RANBP17: variants seen among roughly 807,000 people sequenced by gnomAD.
RANBP17 encodes the protein ran-binding protein 17.
RANBP17 carries 158 observed loss-of-function variants against 141.2 expected under a neutral mutation model. The observed-to-expected ratio is 1.12, with a 90% confidence interval of 0.98 to 1.28. The LOEUF (loss-of-function observed/expected upper bound fraction) is 1.28, where lower values mean the gene tolerates loss of function less well. Ranked by LOEUF, RANBP17 falls within the 50% of genes most tolerant of loss-of-function variation. The pLI is 0.00. For missense variants in RANBP17, 1,438 were observed against 1,290.7 expected (o/e 1.11, Z -1.75); for synonymous variants, 430 against 450.0 (o/e 0.96, Z 0.56).
intron 14 of RANBP17, among the ~76,000 whole-genome samples, chr5:170,993,672 A>C (rs1778645575): frequency 6.6e-6 from 1 of 152,120 alleles, no homozygotes; most frequent in Non-Finnish European, 1.5e-5. Flanking sequence ...GTAAGTGCTT[A>C]ATAAATATTA....
At position 171,286,292 on chromosome 5, in the gene RANBP17, G is replaced by A. The variant is rs371878573; in HGVS notation, c.2944-7591G>A. ...GCTTCTTTTTTTAACAGCAAGACTAGCATTGTGCAAAGAACAAGTTGGCAG... is the reference window on the plus strand; with the variant it reads ...GCTTCTTTTTTTAACAGCAAGACTAACATTGTGCAAAGAACAAGTTGGCAG... On this transcript the variant is annotated intron_variant, in intron 25 of 27. Coordinates refer to ENST00000523189, the MANE Select transcript of RANBP17 (RefSeq NM_022897.5). Among the ~76,000 whole-genome samples the A allele has an allele frequency of 1.3e-3, 198 of 152,302 alleles. 10 individuals are homozygous for A. The South Asian group carries it at 0.04, about 30-fold the overall frequency.
intron 2 of RANBP17, among the ~76,000 whole-genome samples, chr5:170,880,319 T>C (rs1768551736): frequency 1.3e-5 from 2 of 152,212 alleles, no homozygotes; most frequent in Admixed American, 6.5e-5. Context: ...CCAAATCATT[T>C]GTCTTGTTTT....
chr5:171,166,981 G>C (rs1759744882), intron 14 of RANBP17, among the ~76,000 whole-genome samples: 1 of 152,102 alleles, frequency 6.6e-6, no homozygotes, highest in Admixed American at 6.6e-5. Flanking sequence ...AATCCCCAAG[G>C]ACAAAAGCAT....
chr5:171,010,254 T>C (rs1779947013), intron 14 of RANBP17, among the ~76,000 whole-genome samples: 1 of 152,188 alleles, frequency 6.6e-6, no homozygotes, highest in African/African-American at 2.4e-5. Flanking sequence ...CCTGCTAAAA[T>C]AGAGGAACTT....
chr5:170,959,542 C>T (rs1166524046), intron 13 of RANBP17, among the ~76,000 whole-genome samples: 2 of 152,130 alleles, frequency 1.3e-5, no homozygotes, highest in Non-Finnish European at 2.9e-5. Flanking sequence ...ACATTTGGCC[C>T]TTGAACAATG....
At chr5:171,271,109 T>TTTTTTTTTTTC in intron 25 of RANBP17, 1 of 89,926 alleles carries the variant, frequency 1.1e-5, no homozygotes, top group Non-Finnish European at 2.3e-5. Context: ...TTTTTTTTTT[T>TTTTTTTTTTTC]TTTTTTTTTG....
At chr5:171,257,360 A>G (rs1294723451) in intron 24 of RANBP17, among the ~76,000 whole-genome samples, 1 of 152,214 alleles carries the variant, frequency 6.6e-6, no homozygotes, top group Non-Finnish European at 1.5e-5. Context: ...AAAATCCAGC[A>G]TCCTTCCTGA....
At chr5:171,213,066 T>G (rs1427231875) in intron 20 of RANBP17, among the ~76,000 whole-genome samples, 5 of 152,190 alleles carry the variant, frequency 3.3e-5, no homozygotes, top group African/African-American at 1.2e-4. Flanking sequence ...AGATATTCCT[T>G]GGAGCTACAG....
chr5:171,182,186 A>G (rs989483479), intron 16 of RANBP17, among the ~76,000 whole-genome samples: 1 of 152,234 alleles, frequency 6.6e-6, no homozygotes, highest in Non-Finnish European at 1.5e-5. Flanking sequence ...GGAGCCATAT[A>G]AGATTATTAC....
At chr5:171,000,570 G>A (rs780945351) in intron 14 of RANBP17, among the ~76,000 whole-genome samples, 4 of 152,150 alleles carry the variant, frequency 2.6e-5, no homozygotes, top group Non-Finnish European at 5.9e-5. Context: ...TGTGTCACAC[G>A]CATCCGTGTC....
At chr5:171,166,375 A>G (rs1759698714) in intron 14 of RANBP17, among the ~76,000 whole-genome samples, 1 of 151,516 alleles carries the variant, frequency 6.6e-6, no homozygotes, top group Admixed American at 6.6e-5. Flanking sequence ...TGATGAGATT[A>G]TCTTAATACA....
chr5:171,205,820 T>C, intron 20 of RANBP17: 1 of 669,372 alleles, frequency 1.5e-6, no homozygotes, highest in Non-Finnish European at 2.7e-6. Context: ...GTCACTTTTT[T>C]GGTGCCGTTA....
At chr5:171,062,335 G>A (rs967432819) in intron 14 of RANBP17, among the ~76,000 whole-genome samples, 1 of 152,198 alleles carries the variant, frequency 6.6e-6, no homozygotes, top group African/African-American at 2.4e-5. Flanking sequence ...TCCTTCAGGA[G>A]CTCTTGTAGG....
chr5:171,234,692 C>T (rs555018186), intron 22 of RANBP17, among the ~76,000 whole-genome samples: 2 of 152,286 alleles, frequency 1.3e-5, no homozygotes, highest in Admixed American at 1.3e-4. Flanking sequence ...GATTTGAGCA[C>T]AAGCAACTAG....
chr5:171,252,300 T>C (rs1765624231), intron 24 of RANBP17: 1 of 1,549,980 alleles, frequency 6.5e-7, no homozygotes. Context: ...ATGAAAATAA[T>C]AACAGCACCC....
chr5:170,935,044 A>G (rs1259619824), intron 12 of RANBP17, among the ~76,000 whole-genome samples: 1 of 152,008 alleles, frequency 6.6e-6, no homozygotes, highest in African/African-American at 2.4e-5. Flanking sequence ...TTCTAACTTC[A>G]TTTCATTCAT....
chr5:171,183,435 G>A lies in RANBP17; in HGVS notation c.2038+5G>A. On this transcript the variant is annotated splice_donor_5th_base_variant and intron_variant, in intron 18 of 27. Coordinates refer to ENST00000523189, the MANE Select transcript of RANBP17 (RefSeq NM_022897.5). The stretch of plus-strand genomic sequence containing the variant: ...GCCTTCTGATGGTAGATCTGGGTAA[G>A]GTTAAGAATTTAAACTCAATTAATA... The A allele has an allele frequency of 6.2e-7, 1 of 1,600,518 alleles. No individual in the cohort carries two copies. Among genetic ancestry groups the A allele is most frequent in the Non-Finnish European group, 8.6e-7 (1 of 1,167,854 alleles).
intron 9 of RANBP17, 105 bp from the exon 10 acceptor site, chr5:170,918,608 A>C: frequency 1.2e-6 from 1 of 817,188 alleles, no homozygotes; most frequent in Non-Finnish European, 1.8e-6. Flanking sequence ...GAGTATTTTA[A>C]GTACTCATGA....
At chr5:171,104,987 G>A (rs1275131793) in intron 14 of RANBP17, among the ~76,000 whole-genome samples, 1 of 152,056 alleles carries the variant, frequency 6.6e-6, no homozygotes, top group Non-Finnish European at 1.5e-5. Context: ...ATAAATGATG[G>A]CCTTTATTAC....
Sources: allele counts gnomAD v4.1 joint callset (sites outside exome capture counted in the v4.1 genomes callset), GRCh38; gene constraint gnomAD v4.1.1; transcripts MANE v1.5; gene names NCBI Gene and HGNC (gene_info 2026-07-23, HGNC 2026-07-21).